The following SUSD6 variants were observed in gnomAD, a reference collection of about 807,000 sequenced individuals.
SUSD6 encodes sushi domain containing 6.
SUSD6 carries 16 observed loss-of-function variants against 28.4 expected under a neutral mutation model. That is an observed-to-expected ratio of 0.56 (90% CI 0.38 to 0.86). SUSD6 has a LOEUF of 0.86. Among genes scored for constraint, SUSD6 ranks in the 40% least tolerant of loss-of-function variants. SUSD6 has a pLI of 0.00. For synonymous variants in SUSD6, 147 were observed against 159.6 expected, an observed-to-expected ratio of 0.92 and a Z score of 0.59; for missense variants, 341 against 384.2, an observed-to-expected ratio of 0.89 and a Z score of 0.94.
intron 2 of SUSD6, among the ~76,000 whole-genome samples, chr14:69,703,187 T>A (rs1354855970): frequency 6.6e-6 from 1 of 152,202 alleles, no homozygotes. Context: ...GGGGAAATGT[T>A]GCAAGCAGCC....
At position 69,658,691 on chromosome 14, in the gene SUSD6, G is replaced by A; in HGVS notation, c.99G>A (p.Leu33=). The A allele has an allele frequency of 1.2e-6, 2 of 1,614,046 alleles. No homozygotes were observed. The highest frequency in any genetic ancestry group is 1.7e-6 in the Non-Finnish European group (2 of 1,179,938). Residue 33 remains leucine (L), a synonymous_variant, in exon 2 of 6, where the codon CTG becomes CTA. Transcript: ENST00000342745. ...VFLPLVILCT[L]LGDGLASVCP... ...TTCCGCTAGTGATCCTTTGCACCCT[G>A]CTTGGAGACGGACTTGCTTCCGGTA...
At chr14:69,660,852 G>T (rs899757834) in intron 2 of SUSD6, among the ~76,000 whole-genome samples, 4 of 152,354 alleles carry the variant, frequency 2.6e-5, no homozygotes, top group Admixed American at 2.0e-4. Context: ...CTGCTTTTGT[G>T]CTGCAGTGGC....
chr14:69,631,209 A>G (rs1396974381), intron 1 of SUSD6, among the ~76,000 whole-genome samples: 2 of 152,272 alleles, frequency 1.3e-5, no homozygotes, highest in East Asian at 3.9e-4. Flanking sequence ...CTGCTTCTCA[A>G]GCCAAGTCCA....
intron 1 of SUSD6, among the ~76,000 whole-genome samples, chr14:69,640,659 T>C (rs184999042): frequency 4.5e-4 from 68 of 152,302 alleles, no homozygotes; most frequent in Middle Eastern, 6.8e-3. Flanking sequence ...TTTATCTGAA[T>C]TTGTAGAGGG....
chr14:69,663,989 T>C (rs1309169389), intron 2 of SUSD6, among the ~76,000 whole-genome samples: 1 of 151,970 alleles, frequency 6.6e-6, no homozygotes, highest in Non-Finnish European at 1.5e-5. Context: ...TTTTTTTTTT[T>C]TTTATTTGAG....
At position 69,645,030 on chromosome 14, in the gene SUSD6, GA is replaced by G. The variant is rs147679234; in HGVS notation, c.-80-13482del. Reference sequence around the variant, plus strand: ...TGCTTGTACCTCACAGTCCCACCTTGACAGCTTACAGGAAGCTTGGGTAATT... The same window carrying G: ...TGCTTGTACCTCACAGTCCCACCTTGCAGCTTACAGGAAGCTTGGGTAATT... On this transcript the variant is annotated intron_variant, in intron 1 of 5. Transcript: ENST00000342745. Among the ~76,000 whole-genome samples the G allele has an allele frequency of 5.5e-3, 836 of 152,322 alleles. 10 individuals carry two copies. The highest frequency in any genetic ancestry group is 0.019 in the African/African-American group (786 of 41,566).
chr14:69,662,074 G>C (rs1225851074), intron 2 of SUSD6, among the ~76,000 whole-genome samples: 1 of 152,170 alleles, frequency 6.6e-6, no homozygotes, highest in African/African-American at 2.4e-5. Flanking sequence ...GTGAACCACT[G>C]CGCCTGGCCT....
At chr14:69,705,182 G>A (rs1327429817) in intron 4 of SUSD6, among the ~76,000 whole-genome samples, 2 of 151,902 alleles carry the variant, frequency 1.3e-5, no homozygotes, top group African/African-American at 4.8e-5. Context: ...GCCGGGTGTG[G>A]TGGCGCGCGC....
chr14:69,674,492 G>A lies in SUSD6; in HGVS notation c.121+15779G>A, dbSNP rs548787440. ...TAGCATGTACGTCGAGTGCTTTGGGGGTTAAAAGTATACACAAGACAATCA... is the reference window on the plus strand; with the variant it reads ...TAGCATGTACGTCGAGTGCTTTGGGAGTTAAAAGTATACACAAGACAATCA... On this transcript the variant is annotated intron_variant, in intron 2 of 5. Coordinates refer to ENST00000342745, the MANE Select transcript of SUSD6 (RefSeq NM_014734.4). 2.4e-4 allele frequency among the ~76,000 whole-genome samples: 36 copies of A among 152,178 alleles called. No homozygotes were observed. The South Asian group carries it at 7.3e-3, about 31-fold the overall frequency.
At chr14:69,710,171 T>C (rs1165709610) in intron 5 of SUSD6, among the ~76,000 whole-genome samples, 1 of 152,188 alleles carries the variant, frequency 6.6e-6, no homozygotes, top group Non-Finnish European at 1.5e-5. Flanking sequence ...TGTGTGTAAG[T>C]GTATATCATA....
chr14:69,664,128 G>A (rs546467203), intron 2 of SUSD6, among the ~76,000 whole-genome samples: 1 of 152,102 alleles, frequency 6.6e-6, no homozygotes, highest in South Asian at 2.1e-4. Context: ...ACAGGCGCCC[G>A]CCACCACGCC....
At chr14:69,623,574 C>A (rs1885073020) in intron 1 of SUSD6, among the ~76,000 whole-genome samples, 1 of 151,960 alleles carries the variant, frequency 6.6e-6, no homozygotes, top group East Asian at 1.9e-4. Context: ...AAAAACTCCC[C>A]AAAAAAACAG....
In SUSD6 at chr14:69,704,698, G is replaced by A. The variant is rs200580149; in HGVS notation, c.414G>A (p.Leu138=). The stretch of plus-strand genomic sequence containing the variant: ...CGCTCATTCTCCTCCTCGTGGTGCT[G>A]TTTGTGCTGCTGCAGCCAAAGCTGA... ...SVALILLLVV[L]FVLLQPKLKS... The change falls in exon 4 of 6, where the codon CTG becomes CTA. Residue 138 remains leucine, a synonymous_variant. Coordinates refer to ENST00000342745, the MANE Select transcript of SUSD6 (RefSeq NM_014734.4). 3 of 1,614,198 alleles carry A rather than the reference G, an allele frequency of 1.9e-6. No homozygotes were observed. Among genetic ancestry groups the A allele is most frequent in the Non-Finnish European group, 2.5e-6 (3 of 1,180,024 alleles).
intron 1 of SUSD6, among the ~76,000 whole-genome samples, chr14:69,628,835 T>A (rs1182428843): frequency 6.6e-6 from 1 of 150,916 alleles, no homozygotes; most frequent in Non-Finnish European, 1.5e-5. Context: ...CCAACCCCAG[T>A]AGCTGGGACT....
intron 2 of SUSD6, among the ~76,000 whole-genome samples, chr14:69,684,122 C>G (rs1449117777): frequency 6.6e-6 from 1 of 152,206 alleles, no homozygotes; most frequent in Non-Finnish European, 1.5e-5. Context: ...CCAGTGGGGT[C>G]AAGCATAATG....
intron 1 of SUSD6, among the ~76,000 whole-genome samples, chr14:69,614,075 T>C (rs956809247): frequency 6.6e-6 from 1 of 152,228 alleles, no homozygotes; most frequent in Admixed American, 6.5e-5. Flanking sequence ...TTTTTATTTT[T>C]TATTTTTTTT....
chr14:69,676,998 T>C (rs796433505), intron 2 of SUSD6, among the ~76,000 whole-genome samples: 12 of 152,340 alleles, frequency 7.9e-5, no homozygotes, highest in African/African-American at 2.9e-4. Flanking sequence ...CCCTTAGTGT[T>C]GCAGAAAGCA....
chr14:69,695,289 G>A (rs1042233575), intron 2 of SUSD6, among the ~76,000 whole-genome samples: 1 of 152,128 alleles, frequency 6.6e-6, no homozygotes. Context: ...CCTGTTTTCC[G>A]GCTCTCACCA....
At chr14:69,641,048 A>G (rs926507069) in intron 1 of SUSD6, among the ~76,000 whole-genome samples, 4 of 152,218 alleles carry the variant, frequency 2.6e-5, no homozygotes, top group African/African-American at 9.6e-5. Flanking sequence ...ATTCCAGTGC[A>G]CAAAAAGCAT....
Sources: gnomAD v4.1 joint callset for allele counts (sites outside exome capture counted in the v4.1 genomes callset) on GRCh38, gnomAD v4.1.1 for gene constraint, MANE v1.5 for transcripts, NCBI Gene and HGNC (gene_info 2026-07-23, HGNC 2026-07-21) for gene names.